The following CNTN3 variants were observed in gnomAD, a reference collection of about 807,000 sequenced individuals.
CNTN3 encodes the protein contactin-3.
In CNTN3, 60 loss-of-function variants were observed where a neutral mutation model predicts 119.1. That is an observed-to-expected ratio of 0.50 (90% CI 0.41 to 0.62). CNTN3 has a LOEUF of 0.62. Ranked by LOEUF, CNTN3 falls within the 20% of genes least tolerant of loss-of-function variation. The pLI is 0.00. For synonymous variants in CNTN3, 450 were observed against 438.7 expected (o/e 1.03, Z -0.32); for missense variants, 1,101 against 1,242.4 (o/e 0.89, Z 1.71).
intron 1 of CNTN3, among the ~76,000 whole-genome samples, chr3:74,561,891 T>C (rs1029213535): frequency 3.9e-5 from 6 of 152,182 alleles, no homozygotes; most frequent in Non-Finnish European, 2.9e-5. Flanking sequence ...AAACAACACA[T>C]AATCATGTCT....
chr3:74,471,667 C>T (rs1355973750), intron 4 of CNTN3, among the ~76,000 whole-genome samples: 2 of 152,186 alleles, frequency 1.3e-5, no homozygotes, highest in African/African-American at 4.8e-5. Context: ...ATGTCATTCT[C>T]TGACTTGTTG....
At chr3:74,556,133 C>T (rs1704066309) in intron 1 of CNTN3, among the ~76,000 whole-genome samples, 1 of 152,066 alleles carries the variant, frequency 6.6e-6, no homozygotes, top group African/African-American at 2.4e-5. Flanking sequence ...TTTTAAATAA[C>T]CAAGTGGTTT....
intron 5 of CNTN3, among the ~76,000 whole-genome samples, chr3:74,411,155 G>T (rs975206268): frequency 1.3e-5 from 2 of 150,978 alleles, no homozygotes; most frequent in African/African-American, 2.4e-5. Flanking sequence ...CTTTATAATT[G>T]GTCAGCCCAG....
intron 13 of CNTN3, among the ~76,000 whole-genome samples, chr3:74,316,750 C>A (rs1702839470): frequency 6.6e-6 from 1 of 151,888 alleles, no homozygotes; most frequent in African/African-American, 2.4e-5. Flanking sequence ...ACGGTGAAAC[C>A]CTGTCTCTAC....
chr3:74,439,983 C>A (rs12714808), intron 4 of CNTN3, among the ~76,000 whole-genome samples: 67,742 of 151,972 alleles, frequency 0.45, 15,188 homozygotes, highest in East Asian at 0.56. Flanking sequence ...TACCCAGGAA[C>A]CCCCTGAGGT....
At chr3:74,590,538 T>C (rs1461803732) in intron 1 of CNTN3, among the ~76,000 whole-genome samples, 1 of 151,930 alleles carries the variant, frequency 6.6e-6, no homozygotes, top group Non-Finnish European at 1.5e-5. Context: ...GGAGCTCCTA[T>C]CACTTTGGAA....
Position 74,352,465 on chromosome 3 carries a change from T to G in CNTN3, c.1364+9425A>C, listed in dbSNP as rs907965036. On this transcript the variant is annotated intron_variant, in intron 11 of 22. Coordinates refer to ENST00000263665, the MANE Select transcript of CNTN3 (RefSeq NM_020872.3). ...TTGTCTTGGAGGTAATTACTAACAG[T>G]GCCCCCTTTCCCTTCTAAAATGTCC... is the stretch of plus-strand genomic sequence containing the variant. Among the ~76,000 whole-genome samples the G allele has an allele frequency of 7.9e-5, 12 of 152,302 alleles. 1 individual carries two copies. The highest frequency in any genetic ancestry group is 2.9e-4 in the African/African-American group (12 of 41,570).
Position 74,486,439 on chromosome 3 carries a change from T to A in CNTN3, c.358+17A>T. The A allele has an allele frequency of 1.3e-6, 2 of 1,575,018 alleles. No homozygotes were observed. Among genetic ancestry groups the A allele is most frequent in the Non-Finnish European group, 1.7e-6 (2 of 1,168,758 alleles). ...TTTCTAATGTTGGATTTGCTAGACA[T>A]GTGAACATAAACTTACAGGCAAACT... On this transcript the variant is annotated intron_variant, in intron 4 of 22. Coordinates refer to ENST00000263665, the MANE Select transcript of CNTN3 (RefSeq NM_020872.3).
chr3:74,389,744 C>T (rs1157921930), intron 5 of CNTN3, among the ~76,000 whole-genome samples: 3 of 152,056 alleles, frequency 2.0e-5, no homozygotes, highest in African/African-American at 7.2e-5. Flanking sequence ...TTCCTAAGTC[C>T]CTGCTCCTCA....
At chr3:74,311,375 G>C (rs1013484341) in intron 13 of CNTN3, among the ~76,000 whole-genome samples, 2 of 152,006 alleles carry the variant, frequency 1.3e-5, no homozygotes, top group Non-Finnish European at 2.9e-5. Context: ...CTGGTAAAGT[G>C]CATGATCTAA....
In CNTN3 at chr3:74,478,231, C is replaced by T. The variant is rs191363492; in HGVS notation, c.358+8225G>A. The stretch of plus-strand genomic sequence containing the variant: ...ATTGATGTGTGCGCAGAATCCTCAA[C>T]GGCTTAGGACTGGGGGTAGCAGGCA... On this transcript the variant is annotated intron_variant, in intron 4 of 22. Coordinates refer to ENST00000263665, the MANE Select transcript of CNTN3 (RefSeq NM_020872.3). Among the ~76,000 whole-genome samples, 32 of 152,178 alleles carry T rather than the reference C, an allele frequency of 2.1e-4. 1 individual carries two copies. Among genetic ancestry groups the T allele is most frequent in the East Asian group, 1.6e-3 (8 of 5,152 alleles).
chr3:74,507,377 C>T (rs112902475), intron 2 of CNTN3, among the ~76,000 whole-genome samples: 12 of 149,274 alleles, frequency 8.0e-5, no homozygotes, highest in Non-Finnish European at 1.2e-4. Flanking sequence ...ATGAACACAC[C>T]ACTGCACTCC....
chr3:74,431,769 C>T (rs796629579), intron 4 of CNTN3, among the ~76,000 whole-genome samples: 24 of 152,282 alleles, frequency 1.6e-4, no homozygotes, highest in African/African-American at 5.8e-4. Flanking sequence ...GGCAATATAT[C>T]TGAAATGGTG....
intron 5 of CNTN3, among the ~76,000 whole-genome samples, chr3:74,399,222 A>G (rs1313806052): frequency 6.6e-6 from 1 of 152,068 alleles, no homozygotes; most frequent in African/African-American, 2.4e-5. Context: ...GGTGTGTTGT[A>G]CAGATTATTT....
At chr3:74,317,674 C>T (rs1228938672) in intron 13 of CNTN3, among the ~76,000 whole-genome samples, 1 of 152,194 alleles carries the variant, frequency 6.6e-6, no homozygotes, top group Non-Finnish European at 1.5e-5. Context: ...CCCCCACTAT[C>T]TTCTGGCTTG....
intron 4 of CNTN3, among the ~76,000 whole-genome samples, chr3:74,443,642 A>C (rs965290304): frequency 3.3e-5 from 5 of 151,636 alleles, no homozygotes. Flanking sequence ...CACAGGACAC[A>C]CTCTTTTCTG....
chr3:74,330,235 A>G (rs982445959), intron 13 of CNTN3, among the ~76,000 whole-genome samples: 10 of 152,072 alleles, frequency 6.6e-5, no homozygotes, highest in African/African-American at 2.4e-4. Flanking sequence ...GCATGCCGGT[A>G]GTCCCAGCTA....
At chr3:74,584,193 G>T (rs777658832) in intron 1 of CNTN3, among the ~76,000 whole-genome samples, 3 of 151,972 alleles carry the variant, frequency 2.0e-5, no homozygotes, top group Non-Finnish European at 4.4e-5. Flanking sequence ...ACAACACAAT[G>T]AATTTTGCAT....
intron 5 of CNTN3, among the ~76,000 whole-genome samples, chr3:74,381,193 C>A (rs1310252850): frequency 6.6e-6 from 1 of 151,462 alleles, no homozygotes; most frequent in Non-Finnish European, 1.5e-5. Flanking sequence ...AAAAAAAACC[C>A]TTATCTTAAA....
Sources: gnomAD v4.1 joint callset for allele counts (sites outside exome capture counted in the v4.1 genomes callset) on GRCh38, gnomAD v4.1.1 for gene constraint, MANE v1.5 for transcripts, NCBI Gene and HGNC (gene_info 2026-07-23, HGNC 2026-07-21) for gene names.